Variants in LAMC1 observed in about 807,000 individuals in gnomAD.
LAMC1 encodes the protein laminin subunit gamma-1.
Under a neutral mutation model 173.6 loss-of-function variants are expected in LAMC1, and 38 were observed. That is an observed-to-expected ratio of 0.22 (90% CI 0.17 to 0.29). LAMC1 has a LOEUF of 0.29. Ranked by LOEUF, LAMC1 falls within the 10% of genes least tolerant of loss-of-function variation. The pLI is 1.00. For synonymous variants in LAMC1, 746 were observed against 749.1 expected (o/e 1.00, Z 0.07); for missense variants, 1,824 against 2,051.8 (o/e 0.89, Z 2.14).
intron 5 of LAMC1, among the ~76,000 whole-genome samples, chr1:183,115,084 A>G (rs1181884623): frequency 6.6e-6 from 1 of 152,200 alleles, no homozygotes; most frequent in East Asian, 1.9e-4. Context: ...AAATATTCTT[A>G]GCATGTTTGC....
At chr1:183,071,574 A>G (rs1430820760) in intron 1 of LAMC1, among the ~76,000 whole-genome samples, 6 of 152,218 alleles carry the variant, frequency 3.9e-5, no homozygotes, top group Non-Finnish European at 7.3e-5. Context: ...TCTGCAGAGC[A>G]GTGAAAAATT....
chr1:183,088,938 A>T (rs1481381279), intron 1 of LAMC1, among the ~76,000 whole-genome samples: 1 of 152,246 alleles, frequency 6.6e-6, no homozygotes, highest in Non-Finnish European at 1.5e-5. Context: ...AATTGTCCAG[A>T]CTTATGGATG....
At chr1:183,135,003 C>T in intron 23 of LAMC1, 39 bp from the exon 24 acceptor site, 3 of 1,526,348 alleles carry the variant, frequency 2.0e-6, no homozygotes, top group Non-Finnish European at 2.7e-6. Flanking sequence ...AAGGGATTTG[C>T]TTTGAGGGTT....
In LAMC1 at chr1:183,142,889, CCT is replaced by C; in HGVS notation, c.*102_*103del. On this transcript the variant is annotated 3_prime_UTR_variant, in exon 28 of 28. Transcript: ENST00000258341. Reference sequence around the variant, plus strand: ...AGATTACATTTTTCAGACCCCCACTCCTCTGCTGCTGTCCATGACTGTCCTTT... The same window carrying C: ...AGATTACATTTTTCAGACCCCCACTCCTGCTGCTGTCCATGACTGTCCTTT... The C allele has an allele frequency of 7.9e-7, 1 of 1,260,266 alleles. No individual in the cohort carries two copies. Among genetic ancestry groups the C allele is most frequent in the Non-Finnish European group, 1.1e-6 (1 of 904,596 alleles). 78.1% of individuals were successfully genotyped at this position (1,260,266 alleles called of 1,614,324 possible).
chr1:183,089,343 A>G (rs180800400), intron 1 of LAMC1, among the ~76,000 whole-genome samples: 1 of 152,336 alleles, frequency 6.6e-6, no homozygotes, highest in East Asian at 1.9e-4. Flanking sequence ...TAAAGGGAAA[A>G]GCAGATTAAA....
chr1:183,090,148 A>G (rs1368111282), intron 1 of LAMC1, among the ~76,000 whole-genome samples: 1 of 152,216 alleles, frequency 6.6e-6, no homozygotes, highest in Non-Finnish European at 1.5e-5. Flanking sequence ...TCTATTTTAT[A>G]GAGTAAGATG....
chr1:183,065,563 A>G (rs978539937), intron 1 of LAMC1, among the ~76,000 whole-genome samples: 2 of 152,200 alleles, frequency 1.3e-5, no homozygotes, highest in Non-Finnish European at 2.9e-5. Context: ...GAGCCTACTG[A>G]TTTAAATAGG....
chr1:183,087,430 GTGA>G (rs1462561576), intron 1 of LAMC1, among the ~76,000 whole-genome samples: 2 of 152,206 alleles, frequency 1.3e-5, no homozygotes, highest in African/African-American at 4.8e-5. Flanking sequence ...TGTGTGACAT[GTGA>G]ATAAAACATG....
At chr1:183,100,151 C>T (rs1015414907) in intron 1 of LAMC1, among the ~76,000 whole-genome samples, 17 of 152,140 alleles carry the variant, frequency 1.1e-4, no homozygotes, top group African/African-American at 2.7e-4. Context: ...CTATTGAAAA[C>T]GGCTTCCTAC....
intron 1 of LAMC1, among the ~76,000 whole-genome samples, chr1:183,032,130 T>C (rs2102007777): frequency 6.6e-6 from 1 of 152,310 alleles, no homozygotes; most frequent in Middle Eastern, 3.4e-3. Context: ...TAATTAAGTA[T>C]GTCTGCTTTT....
intron 1 of LAMC1, among the ~76,000 whole-genome samples, chr1:183,058,672 A>G (rs894776887): frequency 3.3e-5 from 5 of 152,188 alleles, no homozygotes; most frequent in African/African-American, 1.2e-4. Context: ...CTTGTTACCC[A>G]AATTATCTCC....
intron 1 of LAMC1, among the ~76,000 whole-genome samples, chr1:183,024,997 TTCA>T (rs1427908166): frequency 1.3e-5 from 2 of 152,250 alleles, no homozygotes; most frequent in African/African-American, 4.8e-5. Flanking sequence ...TAAGGTTTTC[TTCA>T]TCATTGAGAT....
At chr1:183,081,176 CCG>C (rs1655265277) in intron 1 of LAMC1, among the ~76,000 whole-genome samples, 4 of 152,312 alleles carry the variant, frequency 2.6e-5, no homozygotes, top group Middle Eastern at 6.8e-3. Flanking sequence ...GCGTCAGCCA[CCG>C]CGCCCGGCCT....
Position 183,135,067 on chromosome 1 carries a change from C to G in LAMC1, c.4025C>G (p.Ala1342Gly), listed in dbSNP as rs1168472326. Residue 1342 changes from alanine to glycine, a missense_variant, in exon 24 of 28, where the codon GCT (alanine) becomes GGT (glycine). Ala to Gly is a moderately conservative substitution (Grantham distance 60, BLOSUM62 0). Coordinates refer to ENST00000258341, the MANE Select transcript of LAMC1 (RefSeq NM_002293.4). ...ACCGCAGACCAACTCCTAGCCCGAGCTGATGCTGCCAAGGCCCTCGCTGAA... is the reference window on the plus strand; with the variant it reads ...ACCGCAGACCAACTCCTAGCCCGAGGTGATGCTGCCAAGGCCCTCGCTGAA... ...QQTADQLLAR[A>G]DAAKALAEEA... is the part of the protein sequence containing the mutation. The G allele has an allele frequency of 6.2e-7, 1 of 1,614,042 alleles. No individual in the cohort carries two copies. Among genetic ancestry groups the G allele is most frequent in the Admixed American group, 1.7e-5 (1 of 60,014 alleles).
At chr1:183,135,375 C>T (rs1656909262) in intron 24 of LAMC1, among the ~76,000 whole-genome samples, 1 of 152,124 alleles carries the variant, frequency 6.6e-6, no homozygotes, top group Admixed American at 6.5e-5. Context: ...GGCAAACTCA[C>T]ATAACCAAGA....
intron 1 of LAMC1, 27 bp from the exon 2 acceptor site, chr1:183,103,301 A>G (rs766813176): frequency 6.3e-7 from 1 of 1,598,390 alleles, no homozygotes; most frequent in Admixed American, 1.7e-5. Flanking sequence ...CGTATGATTT[A>G]TGACCTTTGA....
intron 1 of LAMC1, among the ~76,000 whole-genome samples, chr1:183,072,938 G>T (rs1235737341): frequency 6.6e-6 from 1 of 152,080 alleles, no homozygotes; most frequent in Non-Finnish European, 1.5e-5. Flanking sequence ...CAAGCTCAGG[G>T]CTCCCACTGA....
intron 27 of LAMC1, chr1:183,140,830 T>G (rs1571469970): frequency 6.0e-6 from 1 of 165,668 alleles, no homozygotes; most frequent in East Asian, 1.7e-4. Context: ...TCTGTGGACC[T>G]TGCCCTAAGT....
intron 1 of LAMC1, among the ~76,000 whole-genome samples, chr1:183,080,645 C>T (rs1391999148): frequency 6.6e-6 from 1 of 151,974 alleles, no homozygotes; most frequent in Non-Finnish European, 1.5e-5. Context: ...TTGTTTCTTC[C>T]TGTTTTTTTT....
Sources: gnomAD v4.1 joint callset for allele counts (sites outside exome capture counted in the v4.1 genomes callset) on GRCh38, gnomAD v4.1.1 for gene constraint, MANE v1.5 for transcripts, NCBI Gene and HGNC (gene_info 2026-07-23, HGNC 2026-07-21) for gene names.